The following TRDN variants were observed in gnomAD, a reference collection of about 807,000 sequenced individuals.
TRDN encodes triadin, also known as triadin in skeletal muscle.
In TRDN, 161 loss-of-function variants were observed where a neutral mutation model predicts 149.7. The observed-to-expected ratio is 1.08, with a 90% CI of 0.95 to 1.23. The LOEUF (loss-of-function observed/expected upper bound fraction) is 1.23. Ranked by LOEUF, TRDN falls within the 50% of genes most tolerant of loss-of-function variation. The pLI, the probability that TRDN is intolerant of heterozygous loss-of-function variation, is 0.00. For synonymous variants in TRDN, 294 were observed against 250.5 expected (o/e 1.17, Z -1.64); for missense variants, 896 against 823.5 (o/e 1.09, Z -1.08).
chr6:123,442,038 G>A (rs757126977), intron 10 of TRDN: 1 of 152,182 alleles, frequency 6.6e-6, no homozygotes, highest in Non-Finnish European at 1.5e-5. Flanking sequence ...CTCACAATAT[G>A]ACCATGGAAA....
At chr6:123,616,131 A>G (rs1785070530) in intron 1 of TRDN, among the ~76,000 whole-genome samples, 1 of 152,112 alleles carries the variant, frequency 6.6e-6, no homozygotes, top group Admixed American at 6.6e-5. Flanking sequence ...CAGGAGGATC[A>G]CTTGAGGCTA....
chr6:123,597,246 T>G (rs1334971227), intron 1 of TRDN, among the ~76,000 whole-genome samples: 1 of 151,964 alleles, frequency 6.6e-6, no homozygotes, highest in African/African-American at 2.4e-5. Flanking sequence ...GTAATAGAAA[T>G]AGGAAGAGAT....
chr6:123,609,819 T>C (rs933093431), intron 1 of TRDN, among the ~76,000 whole-genome samples: 4 of 152,176 alleles, frequency 2.6e-5, no homozygotes, highest in African/African-American at 9.6e-5. Context: ...AGTTTATAGA[T>C]ATATTACATT....
intron 1 of TRDN, among the ~76,000 whole-genome samples, chr6:123,583,592 C>G (rs1783250918): frequency 6.7e-6 from 1 of 148,258 alleles, no homozygotes; most frequent in South Asian, 2.1e-4. Flanking sequence ...TGAAAAACTG[C>G]TTGGCTGATT....
intron 4 of TRDN, among the ~76,000 whole-genome samples, chr6:123,534,322 A>G (rs372495387): frequency 5.3e-4 from 81 of 152,264 alleles, no homozygotes; most frequent in African/African-American, 1.9e-3. Flanking sequence ...ATTATTTCTG[A>G]TGATTCAGAC....
intron 7 of TRDN, chr6:123,509,587 G>T (rs1187456784): frequency 2.0e-5 from 3 of 152,112 alleles, no homozygotes; most frequent in Non-Finnish European, 2.9e-5. Context: ...TAGTGAACTT[G>T]CAAATGGTGC....
intron 1 of TRDN, among the ~76,000 whole-genome samples, chr6:123,602,941 A>T (rs1463939660): frequency 6.6e-6 from 1 of 152,142 alleles, no homozygotes; most frequent in East Asian, 1.9e-4. Flanking sequence ...TTTAAAAAAA[A>T]ATCAGTATGT....
chr6:123,510,642 C>CTTTTTTTTTT (rs145396385), intron 7 of TRDN, among the ~76,000 whole-genome samples: 1 of 138,482 alleles, frequency 7.2e-6, no homozygotes, highest in African/African-American at 2.7e-5. Flanking sequence ...TGCATGACCA[C>CTTTTTTTTTT]TTTTTTTTTT....
intron 23 of TRDN, among the ~76,000 whole-genome samples, chr6:123,325,554 A>G (rs749041621): frequency 1.9e-4 from 29 of 152,122 alleles, no homozygotes; most frequent in Non-Finnish European, 4.1e-4. Flanking sequence ...AGTGAATAAA[A>G]TATATAGATT....
intron 32 of TRDN, among the ~76,000 whole-genome samples, chr6:123,265,620 C>T (rs1442123775): frequency 1.3e-5 from 2 of 148,756 alleles, no homozygotes; most frequent in Non-Finnish European, 3.0e-5. Flanking sequence ...AATCAATGCT[C>T]ACAAAAATCT....
At chr6:123,611,607 A>G (rs1434329741) in intron 1 of TRDN, among the ~76,000 whole-genome samples, 1 of 152,200 alleles carries the variant, frequency 6.6e-6, no homozygotes, top group Non-Finnish European at 1.5e-5. Flanking sequence ...ATAGTATATG[A>G]ACTGTCATTG....
At chr6:123,275,157 C>T (rs529162037) in intron 26 of TRDN, among the ~76,000 whole-genome samples, 11 of 152,032 alleles carry the variant, frequency 7.2e-5, no homozygotes, top group African/African-American at 2.7e-4. Flanking sequence ...AATGTGTTCT[C>T]CCAAACAATC....
chr6:123,244,980 A>G (rs1305469986), intron 38 of TRDN, among the ~76,000 whole-genome samples: 1 of 152,202 alleles, frequency 6.6e-6, no homozygotes, highest in Non-Finnish European at 1.5e-5. Context: ...CCAGAATTGC[A>G]TATCCAACCA....
chr6:123,509,149 T>C (rs757709058), intron 7 of TRDN, among the ~76,000 whole-genome samples: 4 of 152,022 alleles, frequency 2.6e-5, no homozygotes, highest in Non-Finnish European at 4.4e-5. Flanking sequence ...TACATATATA[T>C]ACACACATAT....
At chr6:123,536,369 A>G (rs1371523146) in intron 4 of TRDN, among the ~76,000 whole-genome samples, 1 of 152,112 alleles carries the variant, frequency 6.6e-6, no homozygotes, top group Non-Finnish European at 1.5e-5. Flanking sequence ...GAAGGTGGTG[A>G]TGGATCATAT....
intron 18 of TRDN, among the ~76,000 whole-genome samples, chr6:123,376,935 GAGTT>G (rs911792958): frequency 6.6e-6 from 1 of 152,108 alleles, no homozygotes; most frequent in African/African-American, 2.4e-5. Context: ...CCTTCAGTAG[GAGTT>G]AGCCAGGCAA....
chr6:123,454,866 G>A (rs1317506305), intron 10 of TRDN, among the ~76,000 whole-genome samples: 4 of 152,144 alleles, frequency 2.6e-5, no homozygotes, highest in East Asian at 1.9e-4. Flanking sequence ...CCCTGTCCCC[G>A]GGAAAATTGT....
At chr6:123,573,314 C>CCTCGGAAACAAAGG (rs1782670960) in intron 1 of TRDN, among the ~76,000 whole-genome samples, 1 of 152,012 alleles carries the variant, frequency 6.6e-6, no homozygotes, top group Admixed American at 6.6e-5. Flanking sequence ...GACACATTTC[C>CCTCGGAAACAAAGG]TGGTACATGG....
chr6:123,299,382 C>T (rs969678738), intron 24 of TRDN, among the ~76,000 whole-genome samples: 11 of 152,024 alleles, frequency 7.2e-5, no homozygotes, highest in African/African-American at 2.7e-4. Context: ...ACATCCATAT[C>T]AGCACCTGGG....
Sources: gnomAD v4.1 joint callset for allele counts (sites outside exome capture counted in the v4.1 genomes callset) on GRCh38, gnomAD v4.1.1 for gene constraint, MANE v1.5 for transcripts, NCBI Gene and HGNC (gene_info 2026-07-23, HGNC 2026-07-21) for gene names.